LAMA2: variants seen among roughly 807,000 people sequenced by gnomAD.
LAMA2 encodes the protein laminin subunit alpha-2.
In LAMA2, 269 loss-of-function variants were observed where a neutral mutation model predicts 364.8. The ratio of observed to expected loss-of-function variants is 0.74; its 90% CI spans 0.67 to 0.82. The LOEUF (loss-of-function observed/expected upper bound fraction) is 0.82. LAMA2 is among the 40% of genes least tolerant of loss of function. LAMA2 has a pLI of 0.00. For missense variants in LAMA2, 3,807 were observed against 3,873.2 expected (o/e 0.98, Z 0.45); for synonymous variants, 1,379 against 1,370.6 (o/e 1.01, Z -0.14).
intron 1 of LAMA2, among the ~76,000 whole-genome samples, chr6:129,006,739 G>A (rs866442555): frequency 5.9e-5 from 9 of 151,884 alleles, no homozygotes; most frequent in South Asian, 2.1e-4. Flanking sequence ...GTATAAAATC[G>A]TACTGAAACT....
rs1177454714 is a variant in LAMA2, at chr6:129,505,281, G to A, written c.8629G>A (p.Asp2877Asn). 5.6e-6 allele frequency: 9 copies of A among 1,613,732 alleles called. No homozygotes were observed. Among genetic ancestry groups the A allele is most frequent in the African/African-American group, 2.7e-5 (2 of 74,898 alleles). The part of the protein sequence containing the change: ...SNRTISPKKA[D>N]ILDVVGMLYV... ...CAGAACCATCAGTCCCAAAAAAGCC[G>A]ACATCCTGGATGTCGTGGGAATGCT... Residue 2877 changes from aspartate to asparagine, a missense_variant, in exon 61 of 65, where the codon GAC (aspartate) becomes AAC (asparagine). Physicochemically the swap from Asp to Asn is conservative, Grantham distance 23. This residue lies in a region of LAMA2 where 3,333 missense variants were observed against 3,345.7 expected (regional missense o/e 1.00). Coordinates refer to ENST00000421865, the MANE Select transcript of LAMA2 (RefSeq NM_000426.4).
At chr6:129,224,456 C>A (rs999725310) in intron 12 of LAMA2, among the ~76,000 whole-genome samples, 75 of 152,074 alleles carry the variant, frequency 4.9e-4, no homozygotes, top group African/African-American at 1.6e-3. Flanking sequence ...AGTTTTTGCC[C>A]ATTCAGTATG....
intron 4 of LAMA2, among the ~76,000 whole-genome samples, chr6:129,116,378 C>T (rs1387141930): frequency 6.6e-6 from 1 of 152,118 alleles, no homozygotes; most frequent in East Asian, 1.9e-4. Flanking sequence ...CACGTCTTGA[C>T]TCTCAGTGAT....
chr6:129,314,398 C>CAGAAAAAAAAAAAAAAAAAAAAAAA (rs1774433334), intron 23 of LAMA2, among the ~76,000 whole-genome samples: 1 of 81,890 alleles, frequency 1.2e-5, no homozygotes, highest in African/African-American at 5.5e-5. Flanking sequence ...GACTCCGTCT[C>CAGAAAAAAAAAAAAAAAAAAAAAAA]AAAAAAAAAA....
At chr6:128,969,195 G>C (rs370404742) in intron 1 of LAMA2, among the ~76,000 whole-genome samples, 2 of 152,068 alleles carry the variant, frequency 1.3e-5, no homozygotes, top group African/African-American at 4.8e-5. Context: ...GATGACAGAC[G>C]GAAAACCATT....
At chr6:129,249,960 A>G in intron 12 of LAMA2, 152 bp from the exon 13 acceptor site, 1 of 676,356 alleles carries the variant, frequency 1.5e-6, no homozygotes, top group Non-Finnish European at 2.7e-6. Context: ...TCCTAAATAA[A>G]TGCCTATCAT....
At chr6:129,061,027 T>C (rs527847531) in intron 3 of LAMA2, among the ~76,000 whole-genome samples, 2 of 152,282 alleles carry the variant, frequency 1.3e-5, no homozygotes, top group African/African-American at 4.8e-5. Flanking sequence ...ATAATATTTC[T>C]CAGGAAGTCT....
chr6:129,132,190 A>G (rs1181721396), intron 4 of LAMA2, among the ~76,000 whole-genome samples: 4 of 147,974 alleles, frequency 2.7e-5, no homozygotes, highest in Admixed American at 2.0e-4. Flanking sequence ...TTTTTGAGAC[A>G]GAGTCTCGCT....
intron 1 of LAMA2, among the ~76,000 whole-genome samples, chr6:129,020,210 T>C (rs767436271): frequency 1.3e-5 from 2 of 152,210 alleles, no homozygotes; most frequent in Non-Finnish European, 2.9e-5. Context: ...GTGCAGATTT[T>C]TTCCTCTGGG....
chr6:129,282,509 T>C (rs1788791509), intron 18 of LAMA2, among the ~76,000 whole-genome samples: 1 of 152,110 alleles, frequency 6.6e-6, no homozygotes, highest in African/African-American at 2.4e-5. Flanking sequence ...GCTTACCTAG[T>C]ACCAAAGGCC....
At chr6:129,498,766 A>G (rs1321597640) in intron 58 of LAMA2, among the ~76,000 whole-genome samples, 1 of 152,222 alleles carries the variant, frequency 6.6e-6, no homozygotes, top group African/African-American at 2.4e-5. Flanking sequence ...GTTTTGATAA[A>G]TGTAATATAA....
intron 6 of LAMA2, 72 bp from the exon 7 acceptor site, chr6:129,148,907 C>A: frequency 1.0e-6 from 1 of 971,652 alleles, no homozygotes; most frequent in African/African-American, 1.6e-5. Context: ...CTTCATAGTA[C>A]CTTTAGAGAG....
chr6:129,300,596 G>A, intron 21 of LAMA2, 140 bp from the exon 22 acceptor site: 1 of 815,364 alleles, frequency 1.2e-6, no homozygotes, highest in Non-Finnish European at 2.1e-6. Flanking sequence ...GATGAATGAA[G>A]TAAGTTTTTA....
rs2114345258 is a variant in LAMA2, at chr6:129,267,217, C to T, written c.2320C>T (p.Leu774=). Reference sequence around the variant, plus strand: ...CTGTGATGACGTCACTGGAGAATGCCTGGTAAGTGCTCTCTTCTTTGGGGA... The same window carrying T: ...CTGTGATGACGTCACTGGAGAATGCTTGGTAAGTGCTCTCTTCTTTGGGGA... ...ESCDDVTGEC[L]NCKDHTGGPY... Residue 774 remains leucine (L), a splice_region_variant and synonymous_variant, in exon 16 of 65, where the codon CTG becomes TTG. Transcript: ENST00000421865. 6.3e-7 allele frequency: 1 copy of T among 1,587,818 alleles called. No homozygotes were observed. Among genetic ancestry groups the T allele is most frequent in the Non-Finnish European group, 8.6e-7 (1 of 1,156,182 alleles).
chr6:129,276,460 G>T (rs1788334896), intron 17 of LAMA2, among the ~76,000 whole-genome samples: 1 of 151,852 alleles, frequency 6.6e-6, no homozygotes, highest in Admixed American at 6.6e-5. Context: ...CTCACACATT[G>T]ACTTAATATG....
chr6:129,433,715 T>C (rs1781707601), intron 41 of LAMA2, among the ~76,000 whole-genome samples: 2 of 152,196 alleles, frequency 1.3e-5, no homozygotes, highest in Admixed American at 1.3e-4. Flanking sequence ...GGTATACATA[T>C]GTTTAGGAAA....
intron 1 of LAMA2, among the ~76,000 whole-genome samples, chr6:128,974,877 A>T (rs1339157894): frequency 1.4e-5 from 2 of 146,064 alleles, no homozygotes; most frequent in Non-Finnish European, 3.0e-5. Flanking sequence ...TTTGAGAAGG[A>T]GTCTCACTCT....
intron 12 of LAMA2, among the ~76,000 whole-genome samples, chr6:129,214,521 A>G (rs1263939769): frequency 1.3e-5 from 2 of 152,186 alleles, no homozygotes; most frequent in South Asian, 4.1e-4. Flanking sequence ...TTCTAGTGCC[A>G]TTTGTTGAAA....
intron 1 of LAMA2, among the ~76,000 whole-genome samples, chr6:129,026,031 A>AT (rs1170924192): frequency 4.6e-5 from 7 of 152,154 alleles, no homozygotes; most frequent in African/African-American, 1.7e-4. Flanking sequence ...ATCAACTGGA[A>AT]TTTGTGTTTT....
Sources: gnomAD v4.1 joint callset for allele counts (sites outside exome capture counted in the v4.1 genomes callset) on GRCh38, gnomAD v4.1.1 for gene constraint, gnomAD v4.1.1 regional missense constraint, MANE v1.5 for transcripts, NCBI Gene and HGNC (gene_info 2026-07-23, HGNC 2026-07-21) for gene names.